The following GALNT17 variants were observed in gnomAD, a reference collection of about 807,000 sequenced individuals.
GALNT17 encodes the protein polypeptide N-acetylgalactosaminyltransferase 17.
A neutral mutation model predicts 63.7 loss-of-function variants in GALNT17; 29 were observed. That is an observed-to-expected ratio of 0.46 (90% confidence interval 0.34 to 0.62). GALNT17 has a LOEUF of 0.62. Ranked by LOEUF, GALNT17 falls within the 20% of genes least tolerant of loss-of-function variation. GALNT17 has a pLI of 0.01. For synonymous variants in GALNT17, 305 were observed against 318.3 expected (o/e 0.96, Z 0.45); for missense variants, 603 against 799.6 (o/e 0.75, Z 2.97).
chr7:71,552,520 A>G (rs1223115793), intron 5 of GALNT17, among the ~76,000 whole-genome samples: 2 of 149,916 alleles, frequency 1.3e-5, no homozygotes, highest in South Asian at 4.2e-4. Context: ...GGCTCATTAC[A>G]GTCTCTGCCT....
intron 1 of GALNT17, among the ~76,000 whole-genome samples, chr7:71,219,087 G>T (rs76799389): frequency 6.6e-6 from 1 of 152,128 alleles, no homozygotes; most frequent in Non-Finnish European, 1.5e-5. Context: ...GGTACTACGT[G>T]ACAGTCACCT....
At chr7:71,342,039 C>T (rs1452734237) in intron 2 of GALNT17, among the ~76,000 whole-genome samples, 4 of 152,128 alleles carry the variant, frequency 2.6e-5, no homozygotes, top group African/African-American at 9.7e-5. Context: ...AAGATTTTTT[C>T]TTAACTCCTC....
chr7:71,295,298 C>T (rs2115843288), intron 1 of GALNT17, among the ~76,000 whole-genome samples: 1 of 152,236 alleles, frequency 6.6e-6, no homozygotes, highest in East Asian at 1.9e-4. Flanking sequence ...TTTCCCTGTA[C>T]TTCACTAGGC....
At chr7:71,339,304 G>A (rs555537877) in intron 2 of GALNT17, among the ~76,000 whole-genome samples, 19 of 152,288 alleles carry the variant, frequency 1.2e-4, no homozygotes, top group South Asian at 4.1e-4. Flanking sequence ...GGTATGTGCC[G>A]GCTAGAGATT....
intron 5 of GALNT17, among the ~76,000 whole-genome samples, chr7:71,569,011 G>T (rs754050028): frequency 6.6e-6 from 1 of 152,064 alleles, no homozygotes; most frequent in Non-Finnish European, 1.5e-5. Flanking sequence ...TCACTCTGTT[G>T]CCCAGGCTGG....
At chr7:71,502,284 C>G (rs1333413568) in intron 5 of GALNT17, among the ~76,000 whole-genome samples, 1 of 152,202 alleles carries the variant, frequency 6.6e-6, no homozygotes, top group African/African-American at 2.4e-5. Flanking sequence ...CCATCTTTCA[C>G]AGTCTTGTTA....
intron 5 of GALNT17, among the ~76,000 whole-genome samples, chr7:71,546,666 A>G (rs1226531243): frequency 6.6e-6 from 1 of 152,228 alleles, no homozygotes; most frequent in African/African-American, 2.4e-5. Context: ...TCAAAAGCAG[A>G]TACTCTTACT....
intron 9 of GALNT17, among the ~76,000 whole-genome samples, chr7:71,697,821 C>T (rs1489261364): frequency 6.6e-6 from 1 of 151,846 alleles, no homozygotes; most frequent in African/African-American, 2.4e-5. Flanking sequence ...TTTCTAGGCT[C>T]ATAAGAAAGT....
intron 5 of GALNT17, among the ~76,000 whole-genome samples, chr7:71,521,277 A>T (rs1788525929): frequency 6.6e-6 from 1 of 150,434 alleles, no homozygotes; most frequent in African/African-American, 2.5e-5. Context: ...TGTGCTGGTG[A>T]GTTAGGCCAA....
At chr7:71,329,533 G>A (rs1791765501) in intron 1 of GALNT17, among the ~76,000 whole-genome samples, 1 of 152,056 alleles carries the variant, frequency 6.6e-6, no homozygotes. Flanking sequence ...ACGAAAAGAG[G>A]TTTAATTCCC....
At chr7:71,160,657 C>G (rs1788325763) in intron 1 of GALNT17, among the ~76,000 whole-genome samples, 1 of 151,908 alleles carries the variant, frequency 6.6e-6, no homozygotes, top group African/African-American at 2.4e-5. Context: ...CGGGGTTTTT[C>G]CATGTTGGTC....
intron 5 of GALNT17, among the ~76,000 whole-genome samples, chr7:71,463,552 A>G (rs1366721531): frequency 6.6e-6 from 1 of 152,182 alleles, no homozygotes; most frequent in Non-Finnish European, 1.5e-5. Context: ...AAAGGAATGA[A>G]AAAAAGGCTA....
intron 1 of GALNT17, among the ~76,000 whole-genome samples, chr7:71,235,627 G>C (rs542615727): frequency 6.6e-6 from 1 of 152,330 alleles, no homozygotes; most frequent in East Asian, 1.9e-4. Flanking sequence ...TTACTGAAAA[G>C]TCAGGCTTTT....
At chr7:71,239,942 G>C (rs1398176833) in intron 1 of GALNT17, among the ~76,000 whole-genome samples, 1 of 152,172 alleles carries the variant, frequency 6.6e-6, no homozygotes, top group East Asian at 1.9e-4. Flanking sequence ...TTAAAAATAA[G>C]CTGTCATTTC....
In GALNT17 at chr7:71,681,957, C is replaced by T. The variant is rs6972881; in HGVS notation, c.1500+4651C>T. ...TTTGTTTTGTTTTCAGACAGAGTCTCGCTCTGTCACCCAGGCTGGAGTGCA... is the reference window on the plus strand; with the variant it reads ...TTTGTTTTGTTTTCAGACAGAGTCTTGCTCTGTCACCCAGGCTGGAGTGCA... On this transcript the variant is annotated intron_variant, in intron 9 of 10. Transcript: ENST00000333538. 4.9e-3 allele frequency among the ~76,000 whole-genome samples: 750 copies of T among 152,096 alleles called. 5 individuals are homozygous for T. The highest frequency in any genetic ancestry group is 0.017 in the African/African-American group (707 of 41,502).
chr7:71,452,479 G>A lies in GALNT17; in HGVS notation c.962+31374G>A, dbSNP rs150959385. Among the ~76,000 whole-genome samples the A allele has an allele frequency of 4.7e-4, 72 of 152,192 alleles. 1 individual carries two copies. Among genetic ancestry groups the A allele is most frequent in the East Asian group, 1.7e-3 (9 of 5,176 alleles). ...GAGAATTGGCTTGAACTTGGGAGGC[G>A]GAGGTTGCAGTGAGTCAAGGTCACA... On this transcript the variant is annotated intron_variant, in intron 5 of 10. Transcript: ENST00000333538.
intron 9 of GALNT17, among the ~76,000 whole-genome samples, chr7:71,701,830 C>CGT (rs1249597945): frequency 4.2e-5 from 1 of 23,680 alleles, no homozygotes; most frequent in Non-Finnish European, 1.9e-4. Context: ...TATATATACA[C>CGT]ATATATATAT....
intron 6 of GALNT17, among the ~76,000 whole-genome samples, chr7:71,646,038 C>T (rs1306307776): frequency 6.6e-6 from 1 of 152,128 alleles, no homozygotes; most frequent in African/African-American, 2.4e-5. Flanking sequence ...TATCTCCTCC[C>T]CTAAGGCCAC....
chr7:71,403,526 A>G (rs1019979137), intron 3 of GALNT17, among the ~76,000 whole-genome samples: 3 of 152,158 alleles, frequency 2.0e-5, no homozygotes, highest in Non-Finnish European at 4.4e-5. Context: ...GCCCTTTTGG[A>G]TGCTAATAAG....
Sources: allele counts gnomAD v4.1 joint callset (sites outside exome capture counted in the v4.1 genomes callset), GRCh38; gene constraint gnomAD v4.1.1; transcripts MANE v1.5; gene names NCBI Gene and HGNC (gene_info 2026-07-23, HGNC 2026-07-21).